The following UNC5D variants were observed in gnomAD, a reference collection of about 807,000 sequenced individuals.
UNC5D encodes unc-5 netrin receptor D, also known as netrin receptor UNC5D.
Under a neutral mutation model 105.4 loss-of-function variants are expected in UNC5D, and 39 were observed. That is an observed-to-expected ratio of 0.37 (90% CI 0.29 to 0.48). The LOEUF is 0.48. Among genes scored for constraint, UNC5D ranks in the 20% least tolerant of loss-of-function variants. UNC5D has a pLI of 0.98. For missense variants in UNC5D, 991 were observed against 1,202.4 expected, an observed-to-expected ratio of 0.82 and a Z score of 2.60; for synonymous variants, 452 against 450.4, an observed-to-expected ratio of 1.00 and a Z score of -0.04.
chr8:35,320,682 G>T (rs1467991336), intron 1 of UNC5D, among the ~76,000 whole-genome samples: 1 of 152,122 alleles, frequency 6.6e-6, no homozygotes, highest in Non-Finnish European at 1.5e-5. Flanking sequence ...TCAGCCTTAA[G>T]ATCTGTGTTT....
chr8:35,613,041 TAGAAGAACCAGC>T (rs1199670573), intron 4 of UNC5D, among the ~76,000 whole-genome samples: 1 of 152,044 alleles, frequency 6.6e-6, no homozygotes, highest in Non-Finnish European at 1.5e-5. Context: ...TCAGGGCAGG[TAGAAGAACCAGC>T]ACCTCACCCA....
intron 8 of UNC5D, among the ~76,000 whole-genome samples, chr8:35,721,181 G>A (rs1291906152): frequency 6.6e-6 from 1 of 152,098 alleles, no homozygotes; most frequent in Non-Finnish European, 1.5e-5. Context: ...CACATAATCT[G>A]TAGGAAGATT....
chr8:35,731,239 A>C, intron 11 of UNC5D, 143 bp downstream of exon 11: 1 of 658,474 alleles, frequency 1.5e-6, no homozygotes, highest in Non-Finnish European at 2.5e-6. Context: ...TCTCTACTAA[A>C]AATACAAAAA....
intron 1 of UNC5D, among the ~76,000 whole-genome samples, chr8:35,379,691 C>T (rs967748752): frequency 6.6e-6 from 1 of 151,858 alleles, no homozygotes; most frequent in Non-Finnish European, 1.5e-5. Context: ...ACCTGAGAAC[C>T]CAGGTTAGGA....
intron 1 of UNC5D, among the ~76,000 whole-genome samples, chr8:35,450,487 T>A (rs1294209244): frequency 6.6e-6 from 1 of 152,160 alleles, no homozygotes; most frequent in Non-Finnish European, 1.5e-5. Flanking sequence ...AAGCTGAAAA[T>A]GCTTTTTGAC....
chr8:35,663,684 A>C (rs1056539540), intron 4 of UNC5D, among the ~76,000 whole-genome samples: 1 of 152,110 alleles, frequency 6.6e-6, no homozygotes, highest in Non-Finnish European at 1.5e-5. Context: ...AGACAGAAAA[A>C]GAGAGAATGA....
At chr8:35,437,496 A>G (rs1313151994) in intron 1 of UNC5D, among the ~76,000 whole-genome samples, 1 of 152,138 alleles carries the variant, frequency 6.6e-6, no homozygotes, top group Non-Finnish European at 1.5e-5. Flanking sequence ...TATCTGATGA[A>G]TACCTATTAA....
chr8:35,730,768 TTAAAA>T (rs1829149104), intron 10 of UNC5D, among the ~76,000 whole-genome samples: 1 of 147,200 alleles, frequency 6.8e-6, no homozygotes, highest in African/African-American at 2.7e-5. Flanking sequence ...CTGGGATGAC[TTAAAA>T]TAAAAAAAAA....
At chr8:35,311,955 CG>C (rs955646292) in intron 1 of UNC5D, among the ~76,000 whole-genome samples, 20 of 151,938 alleles carry the variant, frequency 1.3e-4, no homozygotes, top group Admixed American at 6.6e-4. Flanking sequence ...CCTAGAATAA[CG>C]GGAAAAAAAA....
rs118050542 is a variant in UNC5D, at chr8:35,391,240, G to A, written c.103+155353G>A. On this transcript the variant is annotated intron_variant, in intron 1 of 16. Transcript: ENST00000404895. ...TAAAGTGCGGAAGAAGCCACCTCGT[G>A]TACTTTCCCAAAAAAGATTCCTGGG... Among the ~76,000 whole-genome samples the A allele has an allele frequency of 3.3e-5, 5 of 152,290 alleles. No individual in the cohort carries two copies. The East Asian group carries it at 9.6e-4, about 29-fold the overall frequency.
intron 1 of UNC5D, among the ~76,000 whole-genome samples, chr8:35,480,518 A>G (rs1810414679): frequency 6.6e-6 from 1 of 152,256 alleles, no homozygotes; most frequent in Non-Finnish European, 1.5e-5. Flanking sequence ...AGAGAAGATG[A>G]TATGTTTTTT....
chr8:35,248,881 ATATAT>A (rs1299218645), intron 1 of UNC5D, among the ~76,000 whole-genome samples: 3 of 94,588 alleles, frequency 3.2e-5, no homozygotes, highest in African/African-American at 4.4e-5. Flanking sequence ...AAAATATATA[ATATAT>A]TATATAAATA....
At chr8:35,510,310 CAAAAAAAAAAAAA>C (rs11317897) in intron 1 of UNC5D, among the ~76,000 whole-genome samples, 1,927 of 71,958 alleles carry the variant, frequency 0.027, 71 homozygotes, top group African/African-American at 0.082. Flanking sequence ...TTTTTATATC[CAAAAAAAAAAAAA>C]AAAAAAAAAC....
chr8:35,314,438 GA>G (rs1809128625), intron 1 of UNC5D, among the ~76,000 whole-genome samples: 1 of 152,038 alleles, frequency 6.6e-6, no homozygotes, highest in Admixed American at 6.6e-5. Flanking sequence ...TGAAGACCTA[GA>G]AAACATCCAT....
At chr8:35,785,976 G>A (rs556635093) in intron 16 of UNC5D, among the ~76,000 whole-genome samples, 2 of 152,180 alleles carry the variant, frequency 1.3e-5, no homozygotes, top group Admixed American at 1.3e-4. Context: ...CCCTGCTTAA[G>A]TTTTGATTTC....
chr8:35,590,620 G>A (rs1819107458), intron 3 of UNC5D, among the ~76,000 whole-genome samples: 2 of 152,060 alleles, frequency 1.3e-5, no homozygotes, highest in African/African-American at 4.8e-5. Context: ...CAAGGCTTTA[G>A]GATCTAGTAA....
chr8:35,351,848 G>T (rs10086433), intron 1 of UNC5D, among the ~76,000 whole-genome samples: 1 of 151,698 alleles, frequency 6.6e-6, no homozygotes, highest in African/African-American at 2.4e-5. Flanking sequence ...ATTAACAAAG[G>T]GTTAAAAGTT....
chr8:35,617,454 A>G lies in UNC5D; in HGVS notation c.570+21797A>G, dbSNP rs563116115. Among the ~76,000 whole-genome samples the G allele has an allele frequency of 9.9e-4, 150 of 152,214 alleles. 1 individual carries two copies. Among genetic ancestry groups the G allele is most frequent in the Non-Finnish European group, 9.6e-4 (65 of 68,042 alleles). On this transcript the variant is annotated intron_variant, in intron 4 of 16. Transcript: ENST00000404895. The stretch of plus-strand genomic sequence containing the variant: ...CTTACTGCAGTTGAGCTTCAGTTCT[A>G]GAATCTGTAACTGCTAAAAGAATCC...
intron 14 of UNC5D, among the ~76,000 whole-genome samples, chr8:35,760,321 A>C (rs59159114): frequency 1.3e-5 from 2 of 151,772 alleles, no homozygotes; most frequent in African/African-American, 4.8e-5. Context: ...GGGATTACAG[A>C]TGTGAGCCAC....
Sources: allele counts gnomAD v4.1 joint callset (sites outside exome capture counted in the v4.1 genomes callset), GRCh38; gene constraint gnomAD v4.1.1; transcripts MANE v1.5; gene names NCBI Gene and HGNC (gene_info 2026-07-23, HGNC 2026-07-21).